Variants in ATP6V1C2 observed in about 807,000 individuals in gnomAD.
ATP6V1C2 encodes the protein V-type proton ATPase subunit C 2.
ATP6V1C2 carries 45 observed loss-of-function variants against 56.8 expected under a neutral mutation model. The ratio of observed to expected loss-of-function variants is 0.79; its 90% CI spans 0.62 to 1.02. The LOEUF is 1.02. Ranked by LOEUF, ATP6V1C2 falls within the 50% of genes least tolerant of loss-of-function variation. The pLI is 0.00. For missense variants in ATP6V1C2, 463 were observed against 519.7 expected (o/e 0.89, Z 1.06); for synonymous variants, 220 against 201.3 (o/e 1.09, Z -0.79).
intron 3 of ATP6V1C2, among the ~76,000 whole-genome samples, chr2:10,733,822 C>G (rs1448749927): frequency 6.6e-6 from 1 of 152,000 alleles, no homozygotes; most frequent in East Asian, 1.9e-4. Flanking sequence ...AAGTGCTTCC[C>G]CTGTCGTTGC....
rs1466995315 is a variant in ATP6V1C2, at chr2:10,784,323, GA to G, written c.*1062del. 1 of 1,612,336 alleles carries G rather than the reference GA, an allele frequency of 6.2e-7. No individual in the cohort carries two copies. The highest frequency in any genetic ancestry group is 8.5e-7 in the Non-Finnish European group (1 of 1,179,460). On this transcript the variant is annotated 3_prime_UTR_variant, in exon 14 of 14. Transcript: ENST00000272238. ...CTGAGGTCAATGTCATCCTCCACGGGAAGCTGGGAGACGACAGAAAGCCACT... is the reference window on the plus strand; with the variant it reads ...CTGAGGTCAATGTCATCCTCCACGGGAGCTGGGAGACGACAGAAAGCCACT...
intron 3 of ATP6V1C2, among the ~76,000 whole-genome samples, chr2:10,751,450 T>C (rs1467215272): frequency 6.6e-6 from 1 of 152,184 alleles, no homozygotes; most frequent in Non-Finnish European, 1.5e-5. Flanking sequence ...AAAAACATTT[T>C]ACAGACAAAA....
At chr2:10,725,179 C>T (rs912276602) in intron 2 of ATP6V1C2, among the ~76,000 whole-genome samples, 4 of 151,616 alleles carry the variant, frequency 2.6e-5, no homozygotes, top group South Asian at 2.1e-4. Flanking sequence ...TTTGGGAGGT[C>T]GAAGTGGGAA....
intron 3 of ATP6V1C2, among the ~76,000 whole-genome samples, chr2:10,752,437 C>T (rs1663274555): frequency 6.6e-6 from 1 of 152,182 alleles, no homozygotes. Flanking sequence ...TGAGTCCGCT[C>T]CTCCTGCAAA....
intron 3 of ATP6V1C2, among the ~76,000 whole-genome samples, chr2:10,730,003 T>C (rs1162851282): frequency 6.6e-6 from 1 of 152,240 alleles, no homozygotes; most frequent in Non-Finnish European, 1.5e-5. Context: ...TGTGAAACTT[T>C]CAGGTTTTTA....
intron 2 of ATP6V1C2, among the ~76,000 whole-genome samples, chr2:10,723,858 AAT>A (rs1361643748): frequency 3.8e-5 from 5 of 131,546 alleles, no homozygotes; most frequent in African/African-American, 1.4e-4. Context: ...AAAAAAAAAG[AAT>A]GAGACATGTG....
intron 3 of ATP6V1C2, among the ~76,000 whole-genome samples, chr2:10,736,289 C>T (rs1056354489): frequency 2.0e-5 from 3 of 152,120 alleles, no homozygotes; most frequent in Non-Finnish European, 1.5e-5. Context: ...ATGTTTGGAC[C>T]TGGTACGTTT....
In ATP6V1C2 at chr2:10,754,064, G is replaced by A; in HGVS notation, c.281G>A (p.Gly94Glu). 1 of 1,598,646 alleles carries A rather than the reference G, an allele frequency of 6.3e-7. No individual in the cohort carries two copies. Among genetic ancestry groups the A allele is most frequent in the South Asian group, 1.1e-5 (1 of 88,766 alleles). The stretch of plus-strand genomic sequence containing the variant: ...GTCCAGGAGCACCTCCTGGCAAACG[G>A]AGGTAGGTAGGGCGGCCCTCTGATG... ...GKVQEHLLANGVDLTSFVTHF... is the reference protein window; with the variant it reads ...GKVQEHLLANEVDLTSFVTHF... The change falls in exon 4 of 14, where the codon GGA becomes GAA. Residue 94 changes from glycine to glutamate, a missense_variant and splice_region_variant. Coordinates refer to ENST00000272238, the MANE Select transcript of ATP6V1C2 (RefSeq NM_001039362.2).
At position 10,726,531 on chromosome 2, in the gene ATP6V1C2, C is replaced by T; in HGVS notation, c.159C>T (p.Leu53=). ...GGACCTTGGATTCCCTGGTTGGCCTCTCTGATGAGTTGGGGAAACTCGACA... is the reference window on the plus strand; with the variant it reads ...GGACCTTGGATTCCCTGGTTGGCCTTTCTGATGAGTTGGGGAAACTCGACA... ...KVGTLDSLVG[L]SDELGKLDTF... The change falls in exon 3 of 14, where the codon CTC becomes CTT. Residue 53 remains leucine, a synonymous_variant. Transcript: ENST00000272238. The T allele has an allele frequency of 6.2e-7, 1 of 1,613,964 alleles. No homozygotes were observed. Among genetic ancestry groups the T allele is most frequent in the Non-Finnish European group, 8.5e-7 (1 of 1,179,908 alleles).
intron 3 of ATP6V1C2, among the ~76,000 whole-genome samples, chr2:10,733,076 G>A (rs921098472): frequency 1.3e-5 from 2 of 152,102 alleles, no homozygotes; most frequent in Admixed American, 6.6e-5. Flanking sequence ...TAAACAATAA[G>A]GACTAGGTGT....
chr2:10,726,674 C>A (rs1346067947), intron 3 of ATP6V1C2, 105 bp downstream of exon 3: 8 of 1,087,882 alleles, frequency 7.4e-6, no homozygotes, highest in Non-Finnish European at 1.1e-5. Flanking sequence ...TTGTCTAGAC[C>A]TGGTTCCAAA....
intron 8 of ATP6V1C2, among the ~76,000 whole-genome samples, chr2:10,773,855 G>C (rs1664786789): frequency 6.6e-6 from 1 of 152,226 alleles, no homozygotes; most frequent in South Asian, 2.1e-4. Context: ...ATCTCCCAGG[G>C]CTACGAGATG....
chr2:10,774,897 T>G lies in ATP6V1C2; in HGVS notation c.731+17T>G, dbSNP rs2148506630. 1 of 1,613,798 alleles carries G rather than the reference T, an allele frequency of 6.2e-7. No individual in the cohort carries two copies. Among genetic ancestry groups the G allele is most frequent in the South Asian group, 1.1e-5 (1 of 91,068 alleles). On this transcript the variant is annotated intron_variant, in intron 9 of 13. Transcript: ENST00000272238. ...AGAAAACAAGTAAGGGTCCTCCAGG[T>G]TTGGTTCATCTCCCGCTGCGGGGGG...
chr2:10,729,163 A>G (rs868112499), intron 3 of ATP6V1C2, among the ~76,000 whole-genome samples: 6 of 144,102 alleles, frequency 4.2e-5, no homozygotes, highest in South Asian at 2.2e-4. Context: ...GTGTATAATC[A>G]TTGGAAAACT....
At chr2:10,753,175 A>G (rs1352656226) in intron 3 of ATP6V1C2, among the ~76,000 whole-genome samples, 3 of 152,190 alleles carry the variant, frequency 2.0e-5, no homozygotes, top group Non-Finnish European at 4.4e-5. Context: ...ATCTGATTAT[A>G]ATTGGAAAAT....
At position 10,763,510 on chromosome 2, in the gene ATP6V1C2, T is replaced by C. The variant is rs1664043443; in HGVS notation, c.284-821T>C. 6.6e-6 allele frequency among the ~76,000 whole-genome samples: 1 copy of C among 152,030 alleles called. No individual in the cohort carries two copies. The highest frequency in any genetic ancestry group is 1.5e-5 in the Non-Finnish European group (1 of 67,992). On this transcript the variant is annotated intron_variant, in intron 4 of 13. Transcript: ENST00000272238. This position sits in a 1 kb window ranked among gnomAD's most constrained non-coding sequence, Gnocchi z 4.2. ...TGTGGAGTGAGCGTGACAGTCCCCT[T>C]TCATGCACCAGGATAGACCAGGAAG...
At position 10,722,874 on chromosome 2, in the gene ATP6V1C2, G is replaced by A. The variant is rs1661440409; in HGVS notation, c.25G>A (p.Ala9Thr). Residue 9 changes from alanine to threonine, a missense_variant, in exon 2 of 14, where the codon GCC becomes ACC. By Grantham distance (58) the Ala-to-Thr change is moderately conservative. Transcript: ENST00000272238. ...CATGTCGGAGTTTTGGTTAATTTCT[G>A]CCCCTGGCGATAAGGAAAATTTGCA... MSEFWLIS[A>T]PGDKENLQAL... 3 of 1,613,968 alleles carry A rather than the reference G, an allele frequency of 1.9e-6. No individual in the cohort carries two copies. Among genetic ancestry groups the A allele is most frequent in the Non-Finnish European group, 2.5e-6 (3 of 1,180,024 alleles).
At chr2:10,752,083 C>A (rs73169973) in intron 3 of ATP6V1C2, among the ~76,000 whole-genome samples, 2,461 of 151,884 alleles carry the variant, frequency 0.016, 53 homozygotes, top group African/African-American at 0.049. Context: ...ACAACAACAA[C>A]AAAAAAACCT....
chr2:10,760,201 C>T (rs1198862), intron 4 of ATP6V1C2, among the ~76,000 whole-genome samples: 71,210 of 151,452 alleles, frequency 0.47, 18,079 homozygotes, highest in African/African-American at 0.67. Context: ...GGTGAAACCT[C>T]GCCTCTAAAA....
Sources: allele counts gnomAD v4.1 joint callset (sites outside exome capture counted in the v4.1 genomes callset), GRCh38; gene constraint gnomAD v4.1.1; non-coding constraint Gnocchi (gnomAD v3.1); transcripts MANE v1.5; gene names NCBI Gene and HGNC (gene_info 2026-07-23, HGNC 2026-07-21).